Variants in SPATA13 observed in about 807,000 individuals in gnomAD.
SPATA13 encodes spermatogenesis associated 13, also known as spermatogenesis-associated protein 13.
Under a neutral mutation model 104.0 loss-of-function variants are expected in SPATA13, and 50 were observed. The observed-to-expected ratio is 0.48, with a 90% confidence interval of 0.38 to 0.61. The LOEUF (loss-of-function observed/expected upper bound fraction) is 0.61. Ranked by LOEUF, SPATA13 falls within the 20% of genes least tolerant of loss-of-function variation. The pLI, the probability that SPATA13 is intolerant of heterozygous loss-of-function variation, is 0.00. For missense variants in SPATA13, 1,524 were observed against 1,690.6 expected (o/e 0.90, Z 1.73); for synonymous variants, 606 against 667.5 (o/e 0.91, Z 1.42).
intron 12 of SPATA13, among the ~76,000 whole-genome samples, chr13:24,301,158 T>C (rs1213475058): frequency 1.3e-5 from 2 of 152,134 alleles, no homozygotes; most frequent in East Asian, 3.9e-4. Flanking sequence ...TAAGGATTTT[T>C]CCCCAAAAAA....
intron 3 of SPATA13, among the ~76,000 whole-genome samples, chr13:24,069,583 C>G (rs909542955): frequency 3.3e-5 from 5 of 152,176 alleles, no homozygotes; most frequent in African/African-American, 1.2e-4. Flanking sequence ...TTGCCATCCT[C>G]TCTCCCTATG....
At chr13:24,083,976 G>A (rs1443804835) in intron 3 of SPATA13, among the ~76,000 whole-genome samples, 2 of 152,162 alleles carry the variant, frequency 1.3e-5, no homozygotes, top group Non-Finnish European at 2.9e-5. Flanking sequence ...TAGGTGTGCC[G>A]TTTGCAAGAG....
chr13:24,253,803 C>G (rs994821658), intron 4 of SPATA13, among the ~76,000 whole-genome samples: 3 of 152,088 alleles, frequency 2.0e-5, no homozygotes, highest in African/African-American at 7.2e-5. Flanking sequence ...AGCCCAAAGA[C>G]AGGCAGGAAA....
chr13:24,154,424 A>C (rs1882197535), intron 3 of SPATA13, among the ~76,000 whole-genome samples: 1 of 152,246 alleles, frequency 6.6e-6, no homozygotes, highest in Non-Finnish European at 1.5e-5. Flanking sequence ...CAGACACAAA[A>C]GTATACATCC....
intron 3 of SPATA13, among the ~76,000 whole-genome samples, chr13:24,103,818 C>T (rs1880347149): frequency 6.6e-6 from 1 of 152,068 alleles, no homozygotes; most frequent in South Asian, 2.1e-4. Context: ...CATCCCTTTC[C>T]AGAGAATTTT....
In SPATA13 at chr13:24,302,831, C is replaced by G. The variant is rs774935641; in HGVS notation, c.*58C>G. On this transcript the variant is annotated 3_prime_UTR_variant, in exon 13 of 13. Transcript: ENST00000382108. ...GTCAAGAGAAGAACTGTCTTTGTTT[C>G]TTGTGTGCTTCAATCCAGGGAAAGT... The G allele has an allele frequency of 6.2e-7, 1 of 1,607,502 alleles. No individual in the cohort carries two copies. The highest frequency in any genetic ancestry group is 8.5e-7 in the Non-Finnish European group (1 of 1,175,606).
chr13:24,024,194 CTG>C (rs1392357196), intron 3 of SPATA13, among the ~76,000 whole-genome samples: 1 of 152,208 alleles, frequency 6.6e-6, no homozygotes, highest in East Asian at 1.9e-4. Flanking sequence ...ACCAGTCACA[CTG>C]TGAACTGGCC....
chr13:24,154,786 G>T (rs1229285407), intron 3 of SPATA13, among the ~76,000 whole-genome samples: 1 of 152,222 alleles, frequency 6.6e-6, no homozygotes, highest in Non-Finnish European at 1.5e-5. Flanking sequence ...GACTGGGGGA[G>T]AATTTGCTCC....
At chr13:24,102,665 G>T (rs569218726) in intron 3 of SPATA13, among the ~76,000 whole-genome samples, 29 of 151,802 alleles carry the variant, frequency 1.9e-4, no homozygotes, top group Admixed American at 1.9e-3. Context: ...GTAGAGATGG[G>T]GTTTCACCAC....
chr13:24,266,951 C>T (rs371360420), intron 4 of SPATA13, among the ~76,000 whole-genome samples: 2 of 152,098 alleles, frequency 1.3e-5, no homozygotes, highest in East Asian at 3.9e-4. Context: ...GCCACCAATG[C>T]CCAGCCAGGA....
At position 24,123,264 on chromosome 13, in the gene SPATA13, G is replaced by A. The variant is rs980932199; in HGVS notation, c.-111-99555G>A. 5.6e-6 allele frequency: 9 copies of A among 1,602,432 alleles called. No individual in the cohort carries two copies. In the African/African-American group the frequency reaches 1.1e-4, roughly 19 times the overall value. On this transcript the variant is annotated intron_variant, in intron 3 of 14. Transcript: ENST00000424834. The stretch of plus-strand genomic sequence containing the variant: ...GGCAATGGCAGCTTCCACTTTCACA[G>A]GCATTTCTCTATCATCAATCAGACA...
rs1593368925 is a variant in SPATA13, at chr13:24,161,305, T to C, written c.-112+373T>C. ...TGGCCTACAGGGGCGGCCGTGGGGG[T>C]GGCAGAGTCTGGGGAGCCTGGCGCG... On this transcript the variant is annotated intron_variant, in intron 1 of 12. Transcript: ENST00000382108. The surrounding 1 kb of genome is among the most constrained non-coding windows in gnomAD (Gnocchi z 4.5). Among the ~76,000 whole-genome samples, 1 of 151,722 alleles carries C rather than the reference T, an allele frequency of 6.6e-6. No individual in the cohort carries two copies. The highest frequency in any genetic ancestry group is 1.5e-5 in the Non-Finnish European group (1 of 67,930).
At chr13:24,128,183 C>T (rs1352077083) in intron 3 of SPATA13, among the ~76,000 whole-genome samples, 1 of 152,184 alleles carries the variant, frequency 6.6e-6, no homozygotes, top group Non-Finnish European at 1.5e-5. Flanking sequence ...GTAGAGTGGA[C>T]TGTCCCAGAA....
intron 1 of SPATA13, among the ~76,000 whole-genome samples, chr13:24,189,647 ATATT>A (rs1254532627): frequency 0.049 from 440 of 9,054 alleles, 124 homozygotes; most frequent in Admixed American, 0.067. Context: ...ATTTATATAT[ATATT>A]ATATATTATA....
chr13:24,147,541 T>A (rs545087167), intron 3 of SPATA13, among the ~76,000 whole-genome samples: 7 of 152,310 alleles, frequency 4.6e-5, no homozygotes, highest in African/African-American at 1.7e-4. Flanking sequence ...CTTGTCTTCA[T>A]ATCTCAGCAG....
chr13:24,150,701 G>T (rs1167657292), intron 3 of SPATA13, among the ~76,000 whole-genome samples: 1 of 152,168 alleles, frequency 6.6e-6, no homozygotes, highest in African/African-American at 2.4e-5. Context: ...GCAGGCTGGG[G>T]ATTCAGGCAG....
At chr13:24,198,165 C>T (rs557687075) in intron 1 of SPATA13, among the ~76,000 whole-genome samples, 15 of 152,116 alleles carry the variant, frequency 9.9e-5, no homozygotes, top group Admixed American at 7.2e-4. Context: ...CAGCTAATTT[C>T]TATATTTTTA....
intron 3 of SPATA13, among the ~76,000 whole-genome samples, chr13:24,055,335 G>T (rs1178525395): frequency 6.6e-6 from 1 of 152,210 alleles, no homozygotes; most frequent in Non-Finnish European, 1.5e-5. Context: ...GATCCCAGAT[G>T]CAATCAGCAT....
intron 4 of SPATA13, among the ~76,000 whole-genome samples, chr13:24,279,187 G>T (rs1875294667): frequency 6.6e-6 from 1 of 152,154 alleles, no homozygotes; most frequent in African/African-American, 2.4e-5. Context: ...TTGTGGTTTT[G>T]AGTGGTATGG....
Sources: allele counts gnomAD v4.1 joint callset (sites outside exome capture counted in the v4.1 genomes callset), GRCh38; gene constraint gnomAD v4.1.1; non-coding constraint Gnocchi (gnomAD v3.1); transcripts MANE v1.5; gene names NCBI Gene and HGNC (gene_info 2026-07-23, HGNC 2026-07-21).